ADAMTS19: variants seen among roughly 807,000 people sequenced by gnomAD.
ADAMTS19 encodes the protein A disintegrin and metalloproteinase with thrombospondin motifs 19.
A neutral mutation model predicts 153.3 loss-of-function variants in ADAMTS19; 93 were observed. That is an observed-to-expected ratio of 0.61 (90% CI 0.51 to 0.72). ADAMTS19 has a LOEUF of 0.72. Ranked by LOEUF, ADAMTS19 falls within the 30% of genes least tolerant of loss-of-function variation. The pLI, the probability that ADAMTS19 is intolerant of heterozygous loss-of-function variation, is 0.00. For missense variants in ADAMTS19, 1,482 were observed against 1,552.1 expected, an observed-to-expected ratio of 0.95 and a Z score of 0.76; for synonymous variants, 600 against 556.6, an observed-to-expected ratio of 1.08 and a Z score of -1.10.
At position 129,658,363 on chromosome 5, in the gene ADAMTS19, AAGAAAGAG is replaced by A. The variant is rs1293295332; in HGVS notation, c.2305-250_2305-243del. Among the ~76,000 whole-genome samples the A allele has an allele frequency of 2.4e-4, 29 of 121,580 alleles. 1 individual carries two copies. Among genetic ancestry groups the A allele is most frequent in the African/African-American group, 8.2e-4 (23 of 28,168 alleles). The allele number at this position is 121,580 out of a possible 152,430, so 79.8% of individuals were successfully genotyped here. On this transcript the variant is annotated intron_variant, in intron 14 of 22. Transcript: ENST00000274487. ...AAAGAAAGAAAGAAAGAAAGAAAGAAAGAAAGAGAGAGAGGAAGGAAGGAAGGTAGGTA... is the reference window on the plus strand; with the variant it reads ...AAAGAAAGAAAGAAAGAAAGAAAGAAAGAGAGGAAGGAAGGAAGGTAGGTA...
intron 21 of ADAMTS19, among the ~76,000 whole-genome samples, chr5:129,731,614 A>G (rs2127220718): frequency 6.6e-6 from 1 of 152,282 alleles, no homozygotes; most frequent in South Asian, 2.1e-4. Context: ...TAGATTTGAG[A>G]TAATGAGGAT....
chr5:129,546,202 C>G (rs1379139478), intron 6 of ADAMTS19, among the ~76,000 whole-genome samples: 2 of 142,084 alleles, frequency 1.4e-5, no homozygotes, highest in Non-Finnish European at 3.0e-5. Flanking sequence ...CACATGGACA[C>G]AGGAAGGGGA....
intron 21 of ADAMTS19, among the ~76,000 whole-genome samples, chr5:129,732,734 C>CT (rs754225386): frequency 1.6e-4 from 25 of 152,164 alleles, no homozygotes; most frequent in Admixed American, 8.5e-4. Flanking sequence ...AATGACCATA[C>CT]TACCCAAAGC....
At chr5:129,518,083 C>T (rs981139775) in intron 3 of ADAMTS19, among the ~76,000 whole-genome samples, 1 of 152,062 alleles carries the variant, frequency 6.6e-6, no homozygotes, top group Admixed American at 6.6e-5. Context: ...AACAAAAACT[C>T]TCTGCCTTAA....
chr5:129,506,028 C>T (rs1046023047), intron 2 of ADAMTS19, among the ~76,000 whole-genome samples: 4 of 152,158 alleles, frequency 2.6e-5, no homozygotes, highest in African/African-American at 9.7e-5. Context: ...GTGGATTGCC[C>T]AGCACAGGGG....
At position 129,645,847 on chromosome 5, in the gene ADAMTS19, A is replaced by G. The variant is rs377498552; in HGVS notation, c.1873-1918A>G. On this transcript the variant is annotated intron_variant, in intron 11 of 22. Coordinates refer to ENST00000274487, the MANE Select transcript of ADAMTS19 (RefSeq NM_133638.6). Reference sequence around the variant, plus strand: ...TTTAAGTCCTTAAAACAAGTAAGTAATGTAGAAGTTTTCACATGGTTTCTT... The same window carrying G: ...TTTAAGTCCTTAAAACAAGTAAGTAGTGTAGAAGTTTTCACATGGTTTCTT... 1.1e-4 allele frequency among the ~76,000 whole-genome samples: 17 copies of G among 150,686 alleles called. 1 individual carries two copies. The South Asian group carries it at 3.4e-3, about 30-fold the overall frequency.
chr5:129,474,794 C>T (rs748334966), intron 2 of ADAMTS19, among the ~76,000 whole-genome samples: 2 of 152,040 alleles, frequency 1.3e-5, no homozygotes, highest in African/African-American at 2.4e-5. Flanking sequence ...GGATGTGCAG[C>T]GGTATCTCAT....
chr5:129,593,910 C>G (rs1750258916), intron 7 of ADAMTS19, among the ~76,000 whole-genome samples: 1 of 152,128 alleles, frequency 6.6e-6, no homozygotes, highest in East Asian at 1.9e-4. Flanking sequence ...ATCTTTGAAT[C>G]CTTTTCCAAA....
chr5:129,704,077 G>A (rs962368385), intron 20 of ADAMTS19, among the ~76,000 whole-genome samples, 162 bp from the exon 21 acceptor site: 1 of 152,124 alleles, frequency 6.6e-6, no homozygotes, highest in African/African-American at 2.4e-5. Context: ...AGATACTGGT[G>A]CTTAGCCTGT....
chr5:129,607,117 G>A (rs6886103), intron 8 of ADAMTS19, among the ~76,000 whole-genome samples: 126,790 of 151,960 alleles, frequency 0.83, 53,148 homozygotes, highest in Non-Finnish European at 0.88. Context: ...GGGTTTCACC[G>A]TGTTGGCCAG....
At chr5:129,623,376 A>G (rs3909294) in intron 10 of ADAMTS19, among the ~76,000 whole-genome samples, 13,085 of 151,830 alleles carry the variant, frequency 0.086, 633 homozygotes, top group African/African-American at 0.1. Flanking sequence ...TCTTCCTAAC[A>G]CACACACATA....
chr5:129,528,474 A>G (rs1581042201), intron 5 of ADAMTS19, 46 bp from the exon 6 acceptor site: 1 of 1,450,412 alleles, frequency 6.9e-7, no homozygotes, highest in South Asian at 1.5e-5. Context: ...TGTTTTGTAT[A>G]TACCTAAGAA....
chr5:129,546,605 A>G (rs1752870124), intron 6 of ADAMTS19, among the ~76,000 whole-genome samples: 1 of 151,014 alleles, frequency 6.6e-6, no homozygotes, highest in Non-Finnish European at 1.5e-5. Flanking sequence ...TTGAGAGTCA[A>G]TAAAGTTGAC....
chr5:129,493,024 T>C (rs1750817382), intron 2 of ADAMTS19, among the ~76,000 whole-genome samples: 1 of 152,168 alleles, frequency 6.6e-6, no homozygotes, highest in Non-Finnish European at 1.5e-5. Flanking sequence ...TGTAATACTT[T>C]TATACTGTTG....
At chr5:129,677,505 T>G (rs984543766) in intron 16 of ADAMTS19, among the ~76,000 whole-genome samples, 1 of 151,914 alleles carries the variant, frequency 6.6e-6, no homozygotes, top group Non-Finnish European at 1.5e-5. Context: ...ACTTCTGATA[T>G]TGCTCCTCAA....
intron 8 of ADAMTS19, among the ~76,000 whole-genome samples, chr5:129,615,231 C>G (rs1335795910): frequency 6.6e-6 from 1 of 152,050 alleles, no homozygotes; most frequent in Non-Finnish European, 1.5e-5. Context: ...ATTGCCAAGA[C>G]AACCCTAAGC....
At chr5:129,591,911 T>G (rs1399218757) in intron 7 of ADAMTS19, among the ~76,000 whole-genome samples, 1 of 152,148 alleles carries the variant, frequency 6.6e-6, no homozygotes, top group African/African-American at 2.4e-5. Flanking sequence ...GGAAAAGGCA[T>G]CCTGGAGGGT....
At chr5:129,602,708 T>C (rs1391779751) in intron 8 of ADAMTS19, among the ~76,000 whole-genome samples, 1 of 152,170 alleles carries the variant, frequency 6.6e-6, no homozygotes, top group Non-Finnish European at 1.5e-5. Flanking sequence ...AACTTGTAGA[T>C]TTTTTTAATT....
intron 19 of ADAMTS19, among the ~76,000 whole-genome samples, chr5:129,697,085 G>C (rs953894316): frequency 1.3e-5 from 2 of 152,086 alleles, no homozygotes; most frequent in Admixed American, 6.6e-5. Flanking sequence ...AAATAGTTTG[G>C]TTTCTTTGAG....
Sources: allele counts gnomAD v4.1 joint callset (sites outside exome capture counted in the v4.1 genomes callset), GRCh38; gene constraint gnomAD v4.1.1; transcripts MANE v1.5; gene names NCBI Gene and HGNC (gene_info 2026-07-23, HGNC 2026-07-21).